Variants in SNTG1 observed in about 807,000 individuals in gnomAD.
SNTG1 encodes syntrophin gamma 1.
In SNTG1, 39 loss-of-function variants were observed where a neutral mutation model predicts 74.7. That is an observed-to-expected ratio of 0.52 (90% CI 0.40 to 0.68). The LOEUF is 0.68. SNTG1 is among the 30% of genes least tolerant of loss of function. The probability of loss-of-function intolerance (pLI) is 0.00; values close to 1 mark genes in which losing one functional copy is unlikely to be tolerated. For synonymous variants in SNTG1, 254 were observed against 217.1 expected (o/e 1.17, Z -1.49); for missense variants, 685 against 609.5 (o/e 1.12, Z -1.30).
chr8:50,517,616 C>CAAAAAAAAAAAAAAAAAAA (rs1161724778), intron 9 of SNTG1, among the ~76,000 whole-genome samples: 4 of 62,352 alleles, frequency 6.4e-5, no homozygotes, highest in Non-Finnish European at 1.0e-4. Flanking sequence ...AAATGGAAAG[C>CAAAAAAAAAAAAAAAAAAA]AAAAAAAAAA....
intron 1 of SNTG1, among the ~76,000 whole-genome samples, chr8:50,129,143 A>C (rs140534513): frequency 1.4e-4 from 21 of 152,284 alleles, no homozygotes; most frequent in African/African-American, 5.1e-4. Flanking sequence ...AGTGCCTACT[A>C]TGTGCCAAGC....
intron 18 of SNTG1, among the ~76,000 whole-genome samples, chr8:50,759,626 T>G (rs1172399951): frequency 6.6e-6 from 1 of 151,966 alleles, no homozygotes; most frequent in Non-Finnish European, 1.5e-5. Context: ...TGTAGATGTG[T>G]GGTATTATTT....
intron 18 of SNTG1, among the ~76,000 whole-genome samples, chr8:50,775,579 G>A (rs1368692903): frequency 6.6e-6 from 1 of 151,564 alleles, no homozygotes; most frequent in Admixed American, 6.6e-5. Flanking sequence ...TGCAAATAAT[G>A]TATATTCTAT....
At chr8:50,556,249 A>C (rs2094454914) in intron 12 of SNTG1, among the ~76,000 whole-genome samples, 1 of 152,140 alleles carries the variant, frequency 6.6e-6, no homozygotes, top group Non-Finnish European at 1.5e-5. Flanking sequence ...CTTAAGCTGT[A>C]TTGGCACAGC....
chr8:50,308,181 C>T lies in SNTG1; in HGVS notation c.-27-86031C>T, dbSNP rs987711513. On this transcript the variant is annotated intron_variant, in intron 2 of 18. Transcript: ENST00000642720. ...CTCAGATGGTCCCAGCACCTTCAGA[C>T]TTTATCAGAGACCCCTTTCACTCTG... Among the ~76,000 whole-genome samples the T allele has an allele frequency of 8.6e-5, 13 of 151,714 alleles. 1 individual carries two copies. The highest frequency in any genetic ancestry group is 2.4e-4 in the African/African-American group (10 of 41,284).
chr8:50,010,812 G>A (rs1157604531), intron 1 of SNTG1, among the ~76,000 whole-genome samples: 1 of 124,062 alleles, frequency 8.1e-6, no homozygotes, highest in Non-Finnish European at 1.6e-5. Context: ...TTTTTTTGGT[G>A]AGGTGGAGGG....
chr8:50,037,194 A>T (rs1818239561), intron 1 of SNTG1, among the ~76,000 whole-genome samples: 1 of 152,238 alleles, frequency 6.6e-6, no homozygotes, highest in Admixed American at 6.5e-5. Context: ...ATTAGTTGGC[A>T]GTTTTGTTAA....
chr8:50,153,563 T>C (rs994140718), intron 1 of SNTG1, among the ~76,000 whole-genome samples: 1 of 152,150 alleles, frequency 6.6e-6, no homozygotes, highest in African/African-American at 2.4e-5. Context: ...ATGATGGTGA[T>C]GTACAGATGG....
rs149341889 is a variant in SNTG1, at chr8:50,566,192, A to C, written c.810+13013A>C. On this transcript the variant is annotated intron_variant, in intron 12 of 18. Transcript: ENST00000642720. ...GCTTAATAAAAGAAAAGGCTATTTA[A>C]TCAATGTCATTACTGTTGAAAGGTT... 5.4e-3 allele frequency among the ~76,000 whole-genome samples: 818 copies of C among 152,098 alleles called. 7 individuals are homozygous for C. The highest frequency in any genetic ancestry group is 0.018 in the African/African-American group (759 of 41,524).
chr8:50,323,873 T>G (rs374332755), intron 2 of SNTG1, among the ~76,000 whole-genome samples: 6 of 152,058 alleles, frequency 3.9e-5, no homozygotes, highest in African/African-American at 1.4e-4. Context: ...CTTTAACAAT[T>G]TACCAGGTGT....
Position 49,955,358 on chromosome 8 carries a change from A to C in SNTG1, c.-103+43127A>C, listed in dbSNP as rs541468616. Reference sequence around the variant, plus strand: ...TAGAGTTCCAGTCCCTGCTGGCTCGATGGCAGGCTGTCTTCATAAGGAGCT... The same window carrying C: ...TAGAGTTCCAGTCCCTGCTGGCTCGCTGGCAGGCTGTCTTCATAAGGAGCT... On this transcript the variant is annotated intron_variant, in intron 1 of 18. Transcript: ENST00000642720. Among the ~76,000 whole-genome samples, 397 of 152,342 alleles carry C rather than the reference A, an allele frequency of 2.6e-3. 1 individual carries two copies. The highest frequency in any genetic ancestry group is 4.4e-3 in the Non-Finnish European group (298 of 68,036).
intron 1 of SNTG1, among the ~76,000 whole-genome samples, chr8:50,103,810 T>C (rs1396396092): frequency 2.6e-5 from 4 of 152,184 alleles, no homozygotes; most frequent in African/African-American, 9.7e-5. Context: ...CTGCATCTAT[T>C]GAGATAGTCA....
intron 18 of SNTG1, among the ~76,000 whole-genome samples, chr8:50,792,051 A>T (rs1301848242): frequency 4.6e-5 from 7 of 151,422 alleles, no homozygotes; most frequent in Non-Finnish European, 1.5e-5. Flanking sequence ...ATTTCTAAAA[A>T]TCCAAAATGA....
At chr8:50,167,832 A>G (rs953080620) in intron 1 of SNTG1, among the ~76,000 whole-genome samples, 2 of 150,736 alleles carry the variant, frequency 1.3e-5, no homozygotes, top group Non-Finnish European at 2.9e-5. Flanking sequence ...AAAAAAAGGT[A>G]AAGAAAAAAA....
intron 17 of SNTG1, among the ~76,000 whole-genome samples, chr8:50,741,205 A>G (rs925877548): frequency 2.0e-5 from 3 of 151,990 alleles, no homozygotes; most frequent in Non-Finnish European, 2.9e-5. Flanking sequence ...GTTCATCGCA[A>G]CACTCACCTC....
rs192941236 is a variant in SNTG1, at chr8:50,688,030, G to A, written c.1039-16570G>A. On this transcript the variant is annotated intron_variant, in intron 15 of 18. Coordinates refer to ENST00000642720, the MANE Select transcript of SNTG1 (RefSeq NM_018967.5). ...AATGATGATGAGCATTTTTTCATGC[G>A]TTTTTTGGCTGCATAAATGTCTTCT... 1.5e-3 allele frequency among the ~76,000 whole-genome samples: 223 copies of A among 152,140 alleles called. 2 individuals are homozygous for A. Among genetic ancestry groups the A allele is most frequent in the Middle Eastern group, 6.8e-3 (2 of 294 alleles).
At chr8:50,511,309 A>T (rs902153795) in intron 9 of SNTG1, among the ~76,000 whole-genome samples, 1 of 152,118 alleles carries the variant, frequency 6.6e-6, no homozygotes, top group Non-Finnish European at 1.5e-5. Context: ...GTTCTTTTAC[A>T]TTTGCTGAGG....
At chr8:50,673,920 A>G (rs1456416799) in intron 15 of SNTG1, among the ~76,000 whole-genome samples, 4 of 152,160 alleles carry the variant, frequency 2.6e-5, no homozygotes, top group Non-Finnish European at 5.9e-5. Context: ...CCTTCTCTGC[A>G]TCTATTGAGA....
intron 9 of SNTG1, among the ~76,000 whole-genome samples, chr8:50,511,677 C>A (rs2094077246): frequency 6.6e-6 from 1 of 152,184 alleles, no homozygotes; most frequent in Non-Finnish European, 1.5e-5. Flanking sequence ...TAATGGCCTT[C>A]TTTGTCTCTT....
Sources: allele counts gnomAD v4.1 joint callset (sites outside exome capture counted in the v4.1 genomes callset), GRCh38; gene constraint gnomAD v4.1.1; transcripts MANE v1.5; gene names NCBI Gene and HGNC (gene_info 2026-07-23, HGNC 2026-07-21).